Variants in WRNIP1 observed in about 807,000 individuals in gnomAD.
The protein encoded by WRNIP1 is ATPase WRNIP1.
In WRNIP1, 41 loss-of-function variants were observed where a neutral mutation model predicts 56.1. That is an observed-to-expected ratio of 0.73 (90% CI 0.57 to 0.95). The LOEUF is 0.95. Among genes scored for constraint, WRNIP1 ranks in the 40% least tolerant of loss-of-function variants. WRNIP1 has a pLI of 0.00. For missense variants in WRNIP1, 1,170 were observed against 939.4 expected, an observed-to-expected ratio of 1.25 and a Z score of -3.21; for synonymous variants, 547 against 398.1, an observed-to-expected ratio of 1.37 and a Z score of -4.45.
chr6:2,785,127 C>A lies in WRNIP1; in HGVS notation c.1843C>A (p.Pro615Thr), dbSNP rs1274400269. ...CCACCAGGGGCCACTGCCCCCCGTG[C>A]CCCTGCACCTGAGGAACGCGCCCAC... Reference protein sequence around the residue: ...RNHQGPLPPVPLHLRNAPTRL... With the variant: ...RNHQGPLPPVTLHLRNAPTRL... The change falls in exon 7 of 7, where the codon CCC becomes ACC. Residue 615 changes from proline (P) to threonine (T), a missense_variant. By Grantham distance (38) the Pro-to-Thr change is conservative. Transcript: ENST00000380773. 2.5e-6 allele frequency: 4 copies of A among 1,614,200 alleles called. No individual in the cohort carries two copies. In the South Asian group the frequency reaches 4.4e-5, roughly 18 times the overall value.
chr6:2,770,060 A>T, intron 2 of WRNIP1, 60 bp from the exon 3 acceptor site: 1 of 1,604,312 alleles, frequency 6.2e-7, no homozygotes, highest in South Asian at 1.1e-5. Flanking sequence ...CAACTTACAT[A>T]GGATTCTGCA....
At chr6:2,776,775 C>T (rs569952644) in intron 3 of WRNIP1, among the ~76,000 whole-genome samples, 9 of 152,280 alleles carry the variant, frequency 5.9e-5, no homozygotes, top group Non-Finnish European at 1.0e-4. Flanking sequence ...CTGCCCATCT[C>T]GTCACTGTCC....
rs1201968485 is a variant in WRNIP1 at position 2,783,544 on chromosome 6, T to G, written c.1625T>G (p.Phe542Cys). 2 of 1,611,724 alleles carry G rather than the reference T, an allele frequency of 1.2e-6. No individual in the cohort carries two copies. Among genetic ancestry groups the G allele is most frequent in the African/African-American group, 1.3e-5 (1 of 74,732 alleles). Residue 542 changes from phenylalanine to cysteine, a missense_variant, in exon 5 of 7, where the codon TTT becomes TGT. Phe to Cys is a radical substitution (Grantham distance 205, BLOSUM62 -2). Transcript: ENST00000380773. ...TACGTGGCACGGAGGCTTGTCAGGT[T>G]TGCCAGCGAGGACATAGGTGAGTGT... is the stretch of plus-strand genomic sequence containing the variant. ...PLYVARRLVRFASEDIGLADP... is the reference protein window; with the variant it reads ...PLYVARRLVRCASEDIGLADP...
chr6:2,766,284 T>A lies in WRNIP1; in HGVS notation c.662T>A (p.Met221Lys), dbSNP rs777545261. The change falls in exon 1 of 7, where the codon ATG (methionine) becomes AAG (lysine). Residue 221 changes from methionine (M) to lysine (K), a missense_variant. Coordinates refer to ENST00000380773, the MANE Select transcript of WRNIP1 (RefSeq NM_020135.3). ...RALAAEEIRQ[M>K]LQGKPLADTM... Reference sequence around the variant, plus strand: ...CTGGCTGCCGAGGAGATCCGACAGATGCTACAGGGCAAGCCGCTGGCCGAC... The same window carrying A: ...CTGGCTGCCGAGGAGATCCGACAGAAGCTACAGGGCAAGCCGCTGGCCGAC... The A allele has an allele frequency of 1.3e-6, 2 of 1,593,182 alleles. No homozygotes were observed. Among genetic ancestry groups the A allele is most frequent in the Non-Finnish European group, 1.7e-6 (2 of 1,171,588 alleles).
intron 1 of WRNIP1, 41 bp from the exon 2 acceptor site, chr6:2,768,650 C>T (rs771725078): frequency 6.5e-7 from 1 of 1,539,700 alleles, no homozygotes; most frequent in East Asian, 2.3e-5. Context: ...CTCTCTGTGT[C>T]TTACCAGCTT....
At chr6:2,775,786 A>C (rs1397222784) in intron 3 of WRNIP1, among the ~76,000 whole-genome samples, 5 of 152,212 alleles carry the variant, frequency 3.3e-5, no homozygotes, top group Non-Finnish European at 7.3e-5. Flanking sequence ...GGTTTTGTTA[A>C]CTAGAAATAG....
At chr6:2,774,136 T>A (rs1765377617) in intron 3 of WRNIP1, 1 of 985,182 alleles carries the variant, frequency 1.0e-6, no homozygotes. Flanking sequence ...AGAGTAGATG[T>A]CAATCTTTTT....
Position 2,768,783 on chromosome 6 carries a change from G to A in WRNIP1, c.915G>A (p.Val305=), listed in dbSNP as rs755999114. ...CAACAAATGCCAAGACAAATGATGT[G>A]CGAGATGTCATAAAACAAGCTCAAA... The part of the protein sequence containing the change: ...LSATNAKTND[V]RDVIKQAQNE... Residue 305 remains valine (V), a synonymous_variant, in exon 2 of 7, where the codon GTG becomes GTA. Transcript: ENST00000380773. 1.2e-6 allele frequency: 2 copies of A among 1,613,742 alleles called. No individual in the cohort carries two copies. The highest frequency in any genetic ancestry group is 1.7e-6 in the Non-Finnish European group (2 of 1,179,866).
rs1765360327 is a variant in WRNIP1, at chr6:2,773,538, T to G, written c.1256+3177T>G. On this transcript the variant is annotated intron_variant, in intron 3 of 6. Coordinates refer to ENST00000380773, the MANE Select transcript of WRNIP1 (RefSeq NM_020135.3). Reference sequence around the variant, plus strand: ...GCTAAGCAGTAGTGTTCAGGTATTTTGCTCTCCCAAAAATATTTGGATCAC... The same window carrying G: ...GCTAAGCAGTAGTGTTCAGGTATTTGGCTCTCCCAAAAATATTTGGATCAC... The G allele has an allele frequency of 5.1e-6, 5 of 985,308 alleles. No homozygotes were observed. In the South Asian group the frequency reaches 1.9e-4, roughly 37 times the overall value. 61.0% of individuals were successfully genotyped at this position (985,308 alleles called of 1,614,324 possible).
Position 2,785,042 on chromosome 6 carries a change from A to T in WRNIP1, c.1758A>T (p.Arg586Ser). Residue 586 changes from arginine (R) to serine (S), a missense_variant, in exon 7 of 7, where the codon AGA becomes AGT. Arg to Ser is a moderately radical substitution (Grantham distance 110). Transcript: ENST00000380773. Reference sequence around the variant, plus strand: ...CCCAGTGTGTGGTCTACTTTGCCAGAGCCCCAAAGTCCATTGAGGTGTACA... The same window carrying T: ...CCCAGTGTGTGGTCTACTTTGCCAGTGCCCCAAAGTCCATTGAGGTGTACA... ...LLAQCVVYFA[R>S]APKSIEVYSA... 6.2e-7 allele frequency: 1 copy of T among 1,614,110 alleles called. No homozygotes were observed. The highest frequency in any genetic ancestry group is 8.5e-7 in the Non-Finnish European group (1 of 1,180,016).
intron 2 of WRNIP1, among the ~76,000 whole-genome samples, chr6:2,769,103 C>T (rs891996900): frequency 2.0e-5 from 3 of 152,132 alleles, no homozygotes; most frequent in Non-Finnish European, 4.4e-5. Flanking sequence ...GTTGGCATAT[C>T]CCTGAGCTAT....
rs867029038 is a variant in WRNIP1, at chr6:2,779,318, G to A, written c.1312G>A (p.Gly438Ser). 1.2e-6 allele frequency: 2 copies of A among 1,614,190 alleles called. No individual in the cohort carries two copies. The highest frequency in any genetic ancestry group is 1.7e-6 in the Non-Finnish European group (2 of 1,180,034). The change falls in exon 4 of 7, where the codon GGT becomes AGT. Residue 438 changes from glycine (G) to serine (S), a missense_variant. Transcript: ENST00000380773. ...AGACACCCTGGCTTACCTCAGTGAC[G>A]GTGACGCCCGAGCTGGGTTGAACGG... ...AVDTLAYLSD[G>S]DARAGLNGLQ...
chr6:2,784,096 T>C (rs1285810589), intron 5 of WRNIP1, among the ~76,000 whole-genome samples: 1 of 152,112 alleles, frequency 6.6e-6, no homozygotes. Flanking sequence ...AGATGCAGAG[T>C]TTTTATCCAC....
intron 3 of WRNIP1, chr6:2,774,065 T>C (rs991837137): frequency 1.0e-6 from 1 of 985,256 alleles, no homozygotes; most frequent in African/African-American, 1.7e-5. Context: ...TGCCATTGAA[T>C]AGAAAGAAAG....
At chr6:2,775,326 A>G (rs1204384004) in intron 3 of WRNIP1, among the ~76,000 whole-genome samples, 3 of 152,216 alleles carry the variant, frequency 2.0e-5, no homozygotes, top group Non-Finnish European at 2.9e-5. Context: ...TGCCTTGCCC[A>G]GGGTCTGCCC....
chr6:2,779,552 C>T, intron 4 of WRNIP1, 60 bp downstream of exon 4: 1 of 1,527,810 alleles, frequency 6.5e-7, no homozygotes, highest in Non-Finnish European at 8.9e-7. Context: ...TGCACACATT[C>T]TCATTTCCGG....
chr6:2,782,278 T>C (rs1477546353), intron 4 of WRNIP1, among the ~76,000 whole-genome samples: 7 of 152,332 alleles, frequency 4.6e-5, no homozygotes, highest in South Asian at 2.1e-4. Context: ...AGGGGAGCCC[T>C]GCACAGGAGA....
At position 2,765,980 on chromosome 6, in the gene WRNIP1, G is replaced by C. The variant is rs947849563; in HGVS notation, c.358G>C (p.Ala120Pro). ...CGACGCGCCGCCCACACCCAGCGGC[G>C]CCCGCCTTATCCCCGACTTCCCGGT... ...SYDAPPTPSG[A>P]RLIPDFPVAR... Residue 120 changes from alanine to proline, a missense_variant, in exon 1 of 7, where the codon GCC becomes CCC. Coordinates refer to ENST00000380773, the MANE Select transcript of WRNIP1 (RefSeq NM_020135.3). 1 of 1,399,930 alleles carries C rather than the reference G, an allele frequency of 7.1e-7. No homozygotes were observed. The highest frequency in any genetic ancestry group is 9.3e-7 in the Non-Finnish European group (1 of 1,075,504). The allele number at this position is 1,399,930 out of a possible 1,614,324, so 86.7% of individuals were successfully genotyped here.
At chr6:2,783,918 T>C (rs1431125512) in intron 5 of WRNIP1, among the ~76,000 whole-genome samples, 1 of 152,096 alleles carries the variant, frequency 6.6e-6, no homozygotes, top group Non-Finnish European at 1.5e-5. Context: ...TTTGGACAGC[T>C]CCCAAGGTAG....
Sources: allele counts gnomAD v4.1 joint callset (sites outside exome capture counted in the v4.1 genomes callset), GRCh38; gene constraint gnomAD v4.1.1; transcripts MANE v1.5; gene names NCBI Gene and HGNC (gene_info 2026-07-23, HGNC 2026-07-21).